The following TGFBRAP1 variants were observed in gnomAD, a reference collection of about 807,000 sequenced individuals.
The protein encoded by TGFBRAP1 is transforming growth factor-beta receptor-associated protein 1.
TGFBRAP1 carries 20 observed loss-of-function variants against 83.2 expected under a neutral mutation model. The ratio of observed to expected loss-of-function variants is 0.24; its 90% CI spans 0.17 to 0.35. The LOEUF is 0.35. Among genes scored for constraint, TGFBRAP1 ranks in the 10% least tolerant of loss-of-function variants. The pLI is 1.00. For synonymous variants in TGFBRAP1, 415 were observed against 459.8 expected (o/e 0.90, Z 1.25); for missense variants, 950 against 1,099.4 (o/e 0.86, Z 1.92).
At chr2:105,251,071 G>C in the TGFBRAP1 span, among the ~76,000 whole-genome samples, 6 of 152,184 alleles carry the variant, frequency 3.9e-5, no homozygotes, top group East Asian at 1.2e-3. Context: ...CTGCCCGGCC[G>C]CCACCCCGTC....
chr2:105,308,020 C>T lies in TGFBRAP1; in HGVS notation c.282G>A (p.Leu94=). The T allele has an allele frequency of 6.2e-7, 1 of 1,614,004 alleles. No homozygotes were observed. Among genetic ancestry groups the T allele is most frequent in the Non-Finnish European group, 8.5e-7 (1 of 1,179,960 alleles). Residue 94 remains leucine (L), a synonymous_variant, in exon 2 of 12, where the codon CTG becomes CTA. Transcript: ENST00000393359. ...AASALNRLLV[L]CDNSISLVNM... ...TGACCAGGCTGATGGAGTTGTCACA[C>T]AGCACCAGCAGCCTGTTGAGTGCTG...
At chr2:105,321,194 T>C (rs1408305910) in intron 1 of TGFBRAP1, among the ~76,000 whole-genome samples, 1 of 151,960 alleles carries the variant, frequency 6.6e-6, no homozygotes, top group Non-Finnish European at 1.5e-5. Flanking sequence ...AGATGGAGTC[T>C]CTTGCTTTGT....
chr2:105,311,927 T>C (rs1414318897), intron 1 of TGFBRAP1, among the ~76,000 whole-genome samples: 3 of 152,008 alleles, frequency 2.0e-5, no homozygotes, highest in Non-Finnish European at 2.9e-5. Context: ...AAAATTAATT[T>C]AAAAAACTAT....
At chr2:105,256,429 C>G in the TGFBRAP1 span, among the ~76,000 whole-genome samples, 1 of 152,162 alleles carries the variant, frequency 6.6e-6, no homozygotes, top group African/African-American at 2.4e-5. Flanking sequence ...TAAGGCTCCC[C>G]TCCTGGGCTT....
chr2:105,260,973 C>G (rs1320781991), downstream of TGFBRAP1, among the ~76,000 whole-genome samples: 1 of 152,138 alleles, frequency 6.6e-6, no homozygotes. Context: ...TTGAGGTGTA[C>G]ATCATTATGT....
chr2:105,250,385 C>T, the TGFBRAP1 span, among the ~76,000 whole-genome samples: 2 of 152,328 alleles, frequency 1.3e-5, no homozygotes, highest in African/African-American at 4.8e-5. Context: ...CCTCTGGCAT[C>T]TGCTGTCCCT....
In TGFBRAP1 at chr2:105,269,303, C is replaced by G; in HGVS notation, c.2375G>C (p.Arg792Thr). The G allele has an allele frequency of 6.2e-7, 1 of 1,610,854 alleles. No individual in the cohort carries two copies. The highest frequency in any genetic ancestry group is 2.2e-5 in the East Asian group (1 of 44,718). The change falls in exon 11 of 12, where the codon AGG (arginine) becomes ACG (threonine). Residue 792 changes from arginine (R) to threonine (T), a missense_variant. Arg to Thr is a moderately conservative substitution (Grantham distance 71). Transcript: ENST00000393359. This position sits in a 1 kb window ranked among gnomAD's most constrained non-coding sequence, Gnocchi z 4.1. ...RTMQVALGLA[R>T]SENLIYTYDK... Reference sequence around the variant, plus strand: ...GTAGGTGTAGATTAAGTTTTCGGACCTGGCCAGGCCGAGAGCCACCTGCAT... The same window carrying G: ...GTAGGTGTAGATTAAGTTTTCGGACGTGGCCAGGCCGAGAGCCACCTGCAT...
chr2:105,328,707 C>CA (rs1419737994), intron 1 of TGFBRAP1, among the ~76,000 whole-genome samples: 1 of 152,238 alleles, frequency 6.6e-6, no homozygotes, highest in Non-Finnish European at 1.5e-5. Flanking sequence ...TGCCCATGAG[C>CA]ACTTCATCAG....
At chr2:105,290,801 T>C (rs1207647761) in intron 4 of TGFBRAP1, among the ~76,000 whole-genome samples, 3 of 152,076 alleles carry the variant, frequency 2.0e-5, no homozygotes, top group Non-Finnish European at 4.4e-5. Context: ...GGTCAGGAGT[T>C]CGAGACCAGC....
At chr2:105,322,194 G>GA (rs1424447459) in intron 1 of TGFBRAP1, among the ~76,000 whole-genome samples, 2 of 151,918 alleles carry the variant, frequency 1.3e-5, no homozygotes, top group Non-Finnish European at 2.9e-5. Context: ...AAAAAAGAAA[G>GA]AAAAAACTTA....
At chr2:105,295,877 T>C (rs1370907237) in intron 4 of TGFBRAP1, among the ~76,000 whole-genome samples, 1 of 151,306 alleles carries the variant, frequency 6.6e-6, no homozygotes, top group Admixed American at 6.6e-5. Flanking sequence ...ACAATACCAA[T>C]TTAGTTAGCA....
At chr2:105,279,600 A>G (rs62154716) in intron 6 of TGFBRAP1, among the ~76,000 whole-genome samples, 15,128 of 143,178 alleles carry the variant, frequency 0.11, 1,085 homozygotes, top group Middle Eastern at 0.15. Flanking sequence ...GTATCAACAA[A>G]ATCAAGAAGC....
intron 2 of TGFBRAP1, among the ~76,000 whole-genome samples, chr2:105,305,425 G>A (rs1190959816): frequency 1.3e-5 from 2 of 152,136 alleles, no homozygotes; most frequent in Non-Finnish European, 2.9e-5. Flanking sequence ...ACCCCTGGCT[G>A]GAAGAAAATA....
intron 10 of TGFBRAP1, among the ~76,000 whole-genome samples, chr2:105,272,570 T>C (rs1211326038): frequency 6.6e-6 from 1 of 152,098 alleles, no homozygotes; most frequent in Non-Finnish European, 1.5e-5. Flanking sequence ...GGAGGCTGAC[T>C]CTGTCAAAAG....
chr2:105,303,005 T>C (rs1558646751), intron 2 of TGFBRAP1, among the ~76,000 whole-genome samples: 1 of 152,236 alleles, frequency 6.6e-6, no homozygotes, highest in South Asian at 2.1e-4. Flanking sequence ...GTATGTACTG[T>C]GGGATAAATC....
rs772475328 is a variant in TGFBRAP1 at position 105,267,451 on chromosome 2, C to T, written c.2515G>A (p.Val839Met). 9.3e-6 allele frequency: 15 copies of T among 1,614,054 alleles called. No homozygotes were observed. Among genetic ancestry groups the T allele is most frequent in the Non-Finnish European group, 1.3e-5 (15 of 1,180,060 alleles). Residue 839 changes from valine to methionine, a missense_variant, in exon 12 of 12, where the codon GTG becomes ATG. Physicochemically the swap from Val to Met is conservative, Grantham distance 21. Coordinates refer to ENST00000393359, the MANE Select transcript of TGFBRAP1 (RefSeq NM_004257.6). ...VFVRYPNGGL[V>M]HTHCAASRHT... ...CTGCTGGCGGCACAGTGGGTGTGCA[C>T]AAGACCACCATTTGGGTATCTAACA...
At chr2:105,290,271 T>C (rs1677858898) in intron 4 of TGFBRAP1, among the ~76,000 whole-genome samples, 1 of 152,214 alleles carries the variant, frequency 6.6e-6, no homozygotes, top group Non-Finnish European at 1.5e-5. Context: ...TTCACCATGC[T>C]GGTCAGGCTG....
chr2:105,316,462 T>TGCGCGCGCGCGCGCGC (rs764527678), intron 1 of TGFBRAP1, among the ~76,000 whole-genome samples: 1 of 84,816 alleles, frequency 1.2e-5, no homozygotes, highest in Non-Finnish European at 2.3e-5. Context: ...TGTGTGTGTG[T>TGCGCGCGCGCGCGCGC]GCGCGCGCGC....
Position 105,306,914 on chromosome 2 carries a change from T to C in TGFBRAP1, c.688+700A>G, listed in dbSNP as rs370235880. Among the ~76,000 whole-genome samples, 43 of 152,208 alleles carry C rather than the reference T, an allele frequency of 2.8e-4. 1 individual carries two copies. In the East Asian group the frequency reaches 3.9e-3, roughly 14 times the overall value. On this transcript the variant is annotated intron_variant, in intron 2 of 11. Transcript: ENST00000393359. ...GTGCAGTAAGTATGGACCTAACCGC[T>C]GTACAACCTTCCTGGGGTGGAGGTA...
Sources: gnomAD v4.1 joint callset for allele counts (sites outside exome capture counted in the v4.1 genomes callset) on GRCh38, gnomAD v4.1.1 for gene constraint, Gnocchi (gnomAD v3.1) non-coding constraint, MANE v1.5 for transcripts, NCBI Gene and HGNC (gene_info 2026-07-23, HGNC 2026-07-21) for gene names.